Variants in DEF6 observed in about 807,000 individuals in gnomAD.
The protein encoded by DEF6 is DEF6 guanine nucleotide exchange factor.
A neutral mutation model predicts 80.5 loss-of-function variants in DEF6; 32 were observed. That is an observed-to-expected ratio of 0.40 (90% CI 0.30 to 0.53). DEF6 has a LOEUF of 0.53. Ranked by LOEUF, DEF6 falls within the 20% of genes least tolerant of loss-of-function variation. The probability of loss-of-function intolerance (pLI) is 0.57; values close to 1 mark genes in which losing one functional copy is unlikely to be tolerated. For synonymous variants in DEF6, 300 were observed against 337.9 expected (o/e 0.89, Z 1.23); for missense variants, 575 against 818.7 (o/e 0.70, Z 3.63).
At chr6:35,308,851 A>G (rs1356656878) in intron 1 of DEF6, among the ~76,000 whole-genome samples, 1 of 152,186 alleles carries the variant, frequency 6.6e-6, no homozygotes, top group Non-Finnish European at 1.5e-5. Context: ...AATCATTTAC[A>G]CTGCTTGTGA....
At chr6:35,299,461 C>G (rs1340939369) in intron 1 of DEF6, among the ~76,000 whole-genome samples, 1 of 152,194 alleles carries the variant, frequency 6.6e-6, no homozygotes, top group African/African-American at 2.4e-5. Flanking sequence ...TCTCTCTGCC[C>G]TTCACATGGA....
chr6:35,300,760 C>T (rs969736194), intron 1 of DEF6, among the ~76,000 whole-genome samples: 4 of 152,162 alleles, frequency 2.6e-5, no homozygotes, highest in African/African-American at 4.8e-5. Flanking sequence ...TTCCCAGAAC[C>T]GCCTCTAAAA....
At chr6:35,313,834 A>G (rs945129356) in intron 5 of DEF6, among the ~76,000 whole-genome samples, 27 of 152,232 alleles carry the variant, frequency 1.8e-4, no homozygotes, top group Middle Eastern at 3.4e-3. Flanking sequence ...TTCTTAATCT[A>G]TTTATCCACT....
Position 35,312,671 on chromosome 6 carries a change from C to T in DEF6, c.706C>T (p.Arg236Cys), listed in dbSNP as rs769622016. ...RGHLRRNWAE[R>C]WFQLQPSCLC... ...GCACCTGAGAAGGAACTGGGCCGAACGCTGGTTCCAGCTGCAGCCCAGCTG... is the reference window on the plus strand; with the variant it reads ...GCACCTGAGAAGGAACTGGGCCGAATGCTGGTTCCAGCTGCAGCCCAGCTG... Residue 236 changes from arginine to cysteine, a missense_variant, in exon 5 of 11, where the codon CGC (arginine) becomes TGC (cysteine). Arg to Cys is a radical substitution (Grantham distance 180, BLOSUM62 -3). Transcript: ENST00000316637. The surrounding 1 kb of genome is among the most constrained non-coding windows in gnomAD (Gnocchi z 6.6). 5 of 1,613,880 alleles carry T rather than the reference C, an allele frequency of 3.1e-6. No homozygotes were observed. Among genetic ancestry groups the T allele is most frequent in the East Asian group, 2.2e-5 (1 of 44,876 alleles).
rs1331334063 is a variant in DEF6 at position 35,309,760 on chromosome 6, G to A, written c.187G>A (p.Val63Met). Residue 63 changes from valine to methionine, a missense_variant, in exon 2 of 11, where the codon GTG becomes ATG. By Grantham distance (21) the Val-to-Met change is conservative. Transcript: ENST00000316637. ...EHFRDDDDGP[V>M]SSQGYMPYLN... is the part of the protein sequence containing the mutation. ...CTTCCGAGATGATGATGACGGCCCT[G>A]TGTCCAGCCAGGGATACATGCCCTA... The A allele has an allele frequency of 6.2e-7, 1 of 1,613,964 alleles. No individual in the cohort carries two copies. Among genetic ancestry groups the A allele is most frequent in the Admixed American group, 1.7e-5 (1 of 60,000 alleles).
chr6:35,304,093 A>G (rs1367225224), intron 1 of DEF6, among the ~76,000 whole-genome samples: 1 of 152,188 alleles, frequency 6.6e-6, no homozygotes, highest in Non-Finnish European at 1.5e-5. Context: ...AGATCACACC[A>G]TTGCACTCCA....
intron 9 of DEF6, among the ~76,000 whole-genome samples, chr6:35,320,671 AT>A (rs1791580084): frequency 6.6e-6 from 1 of 152,228 alleles, no homozygotes; most frequent in South Asian, 2.1e-4. Flanking sequence ...TTATGGTTAC[AT>A]TTTATCTTTT....
At chr6:35,309,453 G>A (rs746426381) in intron 1 of DEF6, among the ~76,000 whole-genome samples, 1 of 152,304 alleles carries the variant, frequency 6.6e-6, no homozygotes, top group Non-Finnish European at 1.5e-5. Context: ...ATGGGTATAT[G>A]AGTAGTTGTT....
Position 35,318,139 on chromosome 6 carries a change from A to G in DEF6, c.917-34A>G. 2.6e-6 allele frequency: 4 copies of G among 1,535,474 alleles called. No individual in the cohort carries two copies. The highest frequency in any genetic ancestry group is 3.5e-6 in the Non-Finnish European group (4 of 1,142,938). ...TAAGGCCCCTTTCGGGCCGTGTGCG[A>G]GGATCCTACTGACCCGCTCCCGCTC... On this transcript the variant is annotated intron_variant, in intron 6 of 10. Coordinates refer to ENST00000316637, the MANE Select transcript of DEF6 (RefSeq NM_022047.4). The surrounding 1 kb of genome is among the most constrained non-coding windows in gnomAD (Gnocchi z 5.1).
rs1428304172 is a variant in DEF6, at chr6:35,312,011, G to A, written c.424-291G>A. Reference sequence around the variant, plus strand: ...CCCTTGACACTTTCTGTGATTTATTGCCTCTTTCTGGACCCCAGATCTCAG... The same window carrying A: ...CCCTTGACACTTTCTGTGATTTATTACCTCTTTCTGGACCCCAGATCTCAG... On this transcript the variant is annotated intron_variant, in intron 3 of 10. Transcript: ENST00000316637. The surrounding 1 kb of genome is among the most constrained non-coding windows in gnomAD (Gnocchi z 6.6). Among the ~76,000 whole-genome samples the A allele has an allele frequency of 6.6e-6, 1 of 152,132 alleles. No individual in the cohort carries two copies. The highest frequency in any genetic ancestry group is 2.4e-5 in the African/African-American group (1 of 41,428).
chr6:35,319,586 G>A lies in DEF6; in HGVS notation c.1278G>A (p.Gln426=). 6.2e-7 allele frequency: 1 copy of A among 1,614,064 alleles called. No homozygotes were observed. Among genetic ancestry groups the A allele is most frequent in the East Asian group, 2.2e-5 (1 of 44,876 alleles). The change falls in exon 8 of 11, where the codon CAG becomes CAA. Residue 426 remains glutamine, a synonymous_variant. Coordinates refer to ENST00000316637, the MANE Select transcript of DEF6 (RefSeq NM_022047.4). The surrounding 1 kb of genome is among the most constrained non-coding windows in gnomAD (Gnocchi z 4.5). Reference sequence around the variant, plus strand: ...AGGAGGAGGCTGCCCGGCAGCGGCAGCGCATCAAGGAGCTGGAGGAGATGC... The same window carrying A: ...AGGAGGAGGCTGCCCGGCAGCGGCAACGCATCAAGGAGCTGGAGGAGATGC... ...LKEEEAARQR[Q]RIKELEEMQQ...
intron 1 of DEF6, among the ~76,000 whole-genome samples, chr6:35,299,269 C>T (rs759767895): frequency 1.3e-5 from 2 of 152,186 alleles, no homozygotes; most frequent in African/African-American, 2.4e-5. Context: ...GTTGGGTCCT[C>T]AGTATAAATG....
intron 2 of DEF6, 35 bp from the exon 3 acceptor site, chr6:35,310,424 A>C (rs1791453038): frequency 6.2e-7 from 1 of 1,604,908 alleles, no homozygotes. Context: ...TAGAGCTGAG[A>C]TATGCAGTCA....
intron 1 of DEF6, among the ~76,000 whole-genome samples, chr6:35,305,370 G>A (rs2150385547): frequency 6.6e-6 from 1 of 151,970 alleles, no homozygotes; most frequent in African/African-American, 2.4e-5. Flanking sequence ...CATGCCTGTA[G>A]TCCCAATTAC....
intron 1 of DEF6, among the ~76,000 whole-genome samples, chr6:35,303,506 G>A (rs1791343976): frequency 1.3e-5 from 2 of 152,160 alleles, no homozygotes; most frequent in Admixed American, 1.3e-4. Context: ...TCCATTAGGT[G>A]CCAGGCCCCG....
chr6:35,300,337 A>G (rs755405710), intron 1 of DEF6, among the ~76,000 whole-genome samples: 2 of 152,046 alleles, frequency 1.3e-5, no homozygotes, highest in Non-Finnish European at 2.9e-5. Context: ...GGTTACTAAA[A>G]CCATCCCTAG....
intron 1 of DEF6, among the ~76,000 whole-genome samples, chr6:35,302,342 G>A (rs1472378772): frequency 6.6e-6 from 1 of 152,046 alleles, no homozygotes; most frequent in Non-Finnish European, 1.5e-5. Context: ...CTGGGCAATA[G>A]AGTGAGATTC....
At chr6:35,303,115 T>C (rs967579138) in intron 1 of DEF6, among the ~76,000 whole-genome samples, 16 of 152,116 alleles carry the variant, frequency 1.1e-4, no homozygotes, top group African/African-American at 3.9e-4. Context: ...TCGGCCCAGC[T>C]CTCTGGAGAG....
intron 1 of DEF6, among the ~76,000 whole-genome samples, chr6:35,308,746 A>G (rs188455948): frequency 6.7e-6 from 1 of 148,470 alleles, no homozygotes; most frequent in Non-Finnish European, 1.5e-5. Flanking sequence ...TAATAAAATA[A>G]AATAAAATAA....
Sources: gnomAD v4.1 joint callset for allele counts (sites outside exome capture counted in the v4.1 genomes callset) on GRCh38, gnomAD v4.1.1 for gene constraint, Gnocchi (gnomAD v3.1) non-coding constraint, MANE v1.5 for transcripts, NCBI Gene and HGNC (gene_info 2026-07-23, HGNC 2026-07-21) for gene names.